The following DPP3 variants were observed in gnomAD, a reference collection of about 807,000 sequenced individuals.
The protein encoded by DPP3 is dipeptidyl peptidase 3.
DPP3 carries 64 observed loss-of-function variants against 89.8 expected under a neutral mutation model. The observed-to-expected ratio is 0.71, with a 90% CI of 0.58 to 0.88. The LOEUF (loss-of-function observed/expected upper bound fraction) is 0.88, where lower values mean the gene tolerates loss of function less well. DPP3 is among the 40% of genes least tolerant of loss of function. The pLI is 0.00. For missense variants in DPP3, 835 were observed against 972.5 expected (o/e 0.86, Z 1.88); for synonymous variants, 377 against 404.3 (o/e 0.93, Z 0.81).
intron 5 of DPP3, 149 bp from the exon 6 acceptor site, chr11:66,487,765 C>T (rs905024256): frequency 7.6e-6 from 5 of 661,170 alleles, no homozygotes; most frequent in Admixed American, 5.7e-5. Flanking sequence ...CCCACTCCCA[C>T]TCTCTCCCAC....
Position 66,486,991 on chromosome 11 carries a change from G to C in DPP3, c.499-277G>C, listed in dbSNP as rs116498111. 6.8e-3 allele frequency among the ~76,000 whole-genome samples: 1,037 copies of C among 152,258 alleles called. 16 individuals carry two copies. The highest frequency in any genetic ancestry group is 0.022 in the African/African-American group (934 of 41,524). On this transcript the variant is annotated intron_variant, in intron 4 of 17. Transcript: ENST00000531863. Reference sequence around the variant, plus strand: ...ATGGCAGGGAAGGAGGGGGGTCCCAGGTTTCCCACCTCTGGAGGCCACATC... The same window carrying C: ...ATGGCAGGGAAGGAGGGGGGTCCCACGTTTCCCACCTCTGGAGGCCACATC...
At chr11:66,484,620 C>A (rs890122463) in intron 2 of DPP3, among the ~76,000 whole-genome samples, 1 of 152,088 alleles carries the variant, frequency 6.6e-6, no homozygotes, top group Non-Finnish European at 1.5e-5. Context: ...ACTGACTGAG[C>A]CAGGTTACAT....
At position 66,509,474 on chromosome 11, in the gene DPP3, G is replaced by C; in HGVS notation, c.*223G>C. 7.0e-7 allele frequency: 1 copy of C among 1,433,758 alleles called. No individual in the cohort carries two copies. The highest frequency in any genetic ancestry group is 1.7e-4 in the Middle Eastern group (1 of 5,808). The allele number at this position is 1,433,758 out of a possible 1,614,324, so 88.8% of individuals were successfully genotyped here. On this transcript the variant is annotated 3_prime_UTR_variant, in exon 18 of 18. Coordinates refer to ENST00000531863, the MANE Select transcript of DPP3 (RefSeq NM_130443.4). ...CATTTCATCTGCACTGCCATACGTG[G>C]AGTGAGCAAGACAGGGCTTACCATC... is the stretch of plus-strand genomic sequence containing the variant.
At chr11:66,493,968 A>G (rs1459265217) in intron 12 of DPP3, among the ~76,000 whole-genome samples, 1 of 152,126 alleles carries the variant, frequency 6.6e-6, no homozygotes, top group Admixed American at 6.5e-5. Flanking sequence ...AGGCTAAGGA[A>G]GCACACCCTA....
At chr11:66,482,589 C>G (rs1855119126) in intron 2 of DPP3, 119 bp downstream of exon 2, 1 of 1,396,918 alleles carries the variant, frequency 7.2e-7, no homozygotes, top group African/African-American at 1.4e-5. Flanking sequence ...GTTACAAATT[C>G]AGGCACTTCC....
At chr11:66,505,258 A>G (rs1456739008) in intron 17 of DPP3, among the ~76,000 whole-genome samples, 1 of 152,172 alleles carries the variant, frequency 6.6e-6, no homozygotes, top group Non-Finnish European at 1.5e-5. Flanking sequence ...CCTTGGCCAC[A>G]CGGTGCTTGT....
chr11:66,485,551 G>T (rs941112283), intron 3 of DPP3, among the ~76,000 whole-genome samples: 4 of 152,218 alleles, frequency 2.6e-5, no homozygotes, highest in African/African-American at 9.6e-5. Flanking sequence ...AATGGAGCTT[G>T]TTGGTCATCA....
At chr11:66,487,488 T>C in intron 5 of DPP3, 146 bp downstream of exon 5, 2 of 840,564 alleles carry the variant, frequency 2.4e-6, no homozygotes, top group Admixed American at 4.7e-5. Flanking sequence ...CCCCAGGCTA[T>C]AGAGCCTAAT....
At chr11:66,502,480 T>G (rs1434549814) in intron 16 of DPP3, among the ~76,000 whole-genome samples, 3 of 151,880 alleles carry the variant, frequency 2.0e-5, no homozygotes, top group African/African-American at 7.3e-5. Flanking sequence ...GCTAATTTTT[T>G]TTTTTTCGAA....
intron 6 of DPP3, among the ~76,000 whole-genome samples, chr11:66,490,192 ACTGTGG>A (rs916672437): frequency 2.0e-5 from 3 of 150,042 alleles, no homozygotes; most frequent in Non-Finnish European, 3.0e-5. Context: ...GACAGGAAAT[ACTGTGG>A]CTATTTTTGC....
intron 2 of DPP3, chr11:66,483,019 CTT>C (rs201088116): frequency 7.2e-6 from 1 of 139,818 alleles, no homozygotes; most frequent in African/African-American, 2.7e-5. Flanking sequence ...CTTTCTCTCT[CTT>C]TTTTATTTTT....
chr11:66,488,190 A>G (rs980482919), intron 6 of DPP3, among the ~76,000 whole-genome samples, 183 bp downstream of exon 6: 1 of 152,162 alleles, frequency 6.6e-6, no homozygotes, highest in Non-Finnish European at 1.5e-5. Context: ...CTGTGAACCA[A>G]TCCCTGAGGG....
At position 66,482,399 on chromosome 11, in the gene DPP3, T is replaced by C; in HGVS notation, c.199T>C (p.Phe67Leu). 6.2e-7 allele frequency: 1 copy of C among 1,611,200 alleles called. No homozygotes were observed. The highest frequency in any genetic ancestry group is 2.2e-5 in the East Asian group (1 of 44,886). Residue 67 changes from phenylalanine to leucine, a missense_variant, in exon 2 of 18, where the codon TTC becomes CTC. Phe to Leu is a conservative substitution (Grantham distance 22, BLOSUM62 0). Transcript: ENST00000531863. ...CATCTATGCTCTGCTCAGCCGCCTC[T>C]TCCGCGCCCAGGACCCCGACCAGCT... ...PYIYALLSRL[F>L]RAQDPDQLRQ...
In DPP3 at chr11:66,509,218, G is replaced by A. The variant is rs1320398698; in HGVS notation, c.2181G>A (p.Lys727=). The A allele has an allele frequency of 2.5e-6, 4 of 1,613,476 alleles. No individual in the cohort carries two copies. Among genetic ancestry groups the A allele is most frequent in the Non-Finnish European group, 3.4e-6 (4 of 1,179,806 alleles). Residue 727 remains lysine, a synonymous_variant, in exon 18 of 18, where the codon AAG becomes AAA. Transcript: ENST00000531863. ...CCACAGCCGATGCCCGATTCTGGAA[G>A]GGCCCCAGTGAGGCCCCATCTGGCC... ...QLATADARFW[K]GPSEAPSGQA
intron 6 of DPP3, among the ~76,000 whole-genome samples, chr11:66,491,045 A>G (rs1200494894): frequency 6.6e-6 from 1 of 152,136 alleles, no homozygotes; most frequent in Non-Finnish European, 1.5e-5. Context: ...CTGGGATTAC[A>G]GGCGTAAGCC....
At chr11:66,503,032 A>C (rs1855718514) in intron 16 of DPP3, among the ~76,000 whole-genome samples, 1 of 152,028 alleles carries the variant, frequency 6.6e-6, no homozygotes. Flanking sequence ...GCAATGGTGC[A>C]ATCTTGGCTC....
rs202008504 is a variant in DPP3, at chr11:66,492,880, G to T, written c.1153G>T (p.Gly385Cys). Residue 385 changes from glycine (G) to cysteine (C), a missense_variant, in exon 10 of 18, where the codon GGC becomes TGC. Transcript: ENST00000531863. The stretch of plus-strand genomic sequence containing the variant: ...GGATGTTCTCACCTTCGCTGGCTCC[G>T]GCATCCCTGCCGGCATCAACATCCC... ...SLDVLTFAGS[G>C]IPAGINIPNY... The T allele has an allele frequency of 5.0e-6, 8 of 1,613,294 alleles. No individual in the cohort carries two copies. Among genetic ancestry groups the T allele is most frequent in the Non-Finnish European group, 6.8e-6 (8 of 1,179,664 alleles).
intron 15 of DPP3, among the ~76,000 whole-genome samples, chr11:66,496,233 G>T (rs1855531974): frequency 6.6e-6 from 1 of 152,150 alleles, no homozygotes; most frequent in Non-Finnish European, 1.5e-5. Context: ...GTAAGCAATA[G>T]AAACTTTTTT....
chr11:66,486,495 G>A, intron 3 of DPP3, 45 bp from the exon 4 acceptor site: 1 of 1,464,692 alleles, frequency 6.8e-7, no homozygotes, highest in East Asian at 2.6e-5. Flanking sequence ...CTGGAAGGCA[G>A]GTTTGGGTGG....
Sources: allele counts gnomAD v4.1 joint callset (sites outside exome capture counted in the v4.1 genomes callset), GRCh38; gene constraint gnomAD v4.1.1; transcripts MANE v1.5; gene names NCBI Gene and HGNC (gene_info 2026-07-23, HGNC 2026-07-21).